The following PRKDC variants were observed in gnomAD, a reference collection of about 807,000 sequenced individuals.
The protein encoded by PRKDC is protein kinase, DNA-activated, catalytic subunit.
Under a neutral mutation model 486.9 loss-of-function variants are expected in PRKDC, and 82 were observed. The observed-to-expected ratio is 0.17, with a 90% CI of 0.14 to 0.20. PRKDC has a LOEUF of 0.20. Ranked by LOEUF, PRKDC falls within the 10% of genes least tolerant of loss-of-function variation. The pLI is 1.00. For synonymous variants in PRKDC, 1,895 were observed against 1,837.0 expected (o/e 1.03, Z -0.81); for missense variants, 4,504 against 5,038.2 (o/e 0.89, Z 3.21).
At chr8:47,936,304 A>G (rs887177952) in intron 12 of PRKDC, 49 bp downstream of exon 12, 2 of 1,534,928 alleles carry the variant, frequency 1.3e-6, no homozygotes, top group Non-Finnish European at 1.8e-6. Flanking sequence ...AATTATTTGA[A>G]GAAATGAAGA....
chr8:47,814,745 C>T (rs928708930), intron 68 of PRKDC, among the ~76,000 whole-genome samples: 1 of 152,098 alleles, frequency 6.6e-6, no homozygotes, highest in African/African-American at 2.4e-5. Flanking sequence ...TAGCAACTCC[C>T]CAAATTAAAC....
chr8:47,794,211 G>T, intron 74 of PRKDC, 79 bp downstream of exon 74: 1 of 1,094,250 alleles, frequency 9.1e-7, no homozygotes, highest in Non-Finnish European at 1.3e-6. Flanking sequence ...AACAAATGTA[G>T]TGTCCACGTG....
intron 45 of PRKDC, among the ~76,000 whole-genome samples, chr8:47,860,417 G>C (rs572335136): frequency 6.6e-6 from 1 of 152,366 alleles, no homozygotes; most frequent in South Asian, 2.1e-4. Context: ...GCCATATGCT[G>C]GAGTGAGCAG....
intron 85 of PRKDC, among the ~76,000 whole-genome samples, chr8:47,774,721 T>C (rs2086573608): frequency 1.3e-5 from 2 of 152,030 alleles, no homozygotes; most frequent in African/African-American, 4.8e-5. Flanking sequence ...ACCAGCAGAG[T>C]ATGAGGAGTC....
rs758574039 is a variant in PRKDC, at chr8:47,826,838, G to A, written c.8601C>T (p.Ala2867=). The part of the protein sequence containing the change: ...CIQDISCQHA[A]LLSLDPAAVS... ...CAGCCGCTGGGTCGAGGCTCAGCAG[G>A]GCTGCGTGCTGACAGCTAATGTCCT... The change falls in exon 63 of 86, where the codon GCC becomes GCT. Residue 2867 remains alanine, a synonymous_variant. Transcript: ENST00000314191. 5 of 1,591,546 alleles carry A rather than the reference G, an allele frequency of 3.1e-6. No homozygotes were observed. The highest frequency in any genetic ancestry group is 4.3e-6 in the Non-Finnish European group (5 of 1,166,832).
At chr8:47,780,273 T>C (rs1334646511) in intron 80 of PRKDC, among the ~76,000 whole-genome samples, 1 of 152,188 alleles carries the variant, frequency 6.6e-6, no homozygotes, top group South Asian at 2.1e-4. Flanking sequence ...CCATAGTAAG[T>C]ATGAGAAAAT....
chr8:47,778,400 TTGAAAGTCCTA>T (rs2086641823), intron 83 of PRKDC, 48 bp downstream of exon 83: 1 of 1,535,160 alleles, frequency 6.5e-7, no homozygotes, highest in African/African-American at 1.4e-5. Flanking sequence ...CTGGAGGTTG[TTGAAAGTCCTA>T]TGATGACTCT....
Position 47,774,110 on chromosome 8 carries a change from A to C in PRKDC, c.*63T>G. Reference sequence around the variant, plus strand: ...GAAAATCAGCTCATGGAATGCTGCCAACCAAAGTATAGTAGATTCTTTAAA... The same window carrying C: ...GAAAATCAGCTCATGGAATGCTGCCCACCAAAGTATAGTAGATTCTTTAAA... On this transcript the variant is annotated 3_prime_UTR_variant, in exon 86 of 86. Transcript: ENST00000314191. The C allele has an allele frequency of 6.8e-7, 1 of 1,463,636 alleles. No homozygotes were observed. Among genetic ancestry groups the C allele is most frequent in the Non-Finnish European group, 9.1e-7 (1 of 1,098,936 alleles). The allele number at this position is 1,463,636 out of a possible 1,614,324, so 90.7% of individuals were successfully genotyped here.
intron 11 of PRKDC, 44 bp downstream of exon 11, chr8:47,939,507 T>G (rs772534713): frequency 6.3e-7 from 1 of 1,580,090 alleles, no homozygotes; most frequent in Non-Finnish European, 8.7e-7. Flanking sequence ...CTTTAAACAA[T>G]CACGTGAAAC....
At chr8:47,893,935 A>G (rs973040909) in intron 30 of PRKDC, among the ~76,000 whole-genome samples, 2 of 152,242 alleles carry the variant, frequency 1.3e-5, no homozygotes, top group African/African-American at 4.8e-5. Flanking sequence ...AAAATGTCAA[A>G]TCATTCTGAC....
chr8:47,874,575 C>A (rs1393892839), intron 40 of PRKDC, among the ~76,000 whole-genome samples: 2 of 149,576 alleles, frequency 1.3e-5, no homozygotes, highest in Non-Finnish European at 3.0e-5. Flanking sequence ...CTGGGCAACA[C>A]GGCGAAACCC....
At chr8:47,926,381 A>G in intron 21 of PRKDC, among the ~76,000 whole-genome samples, 1 of 152,230 alleles carries the variant, frequency 6.6e-6, no homozygotes, top group Non-Finnish European at 1.5e-5. Context: ...ACTTTCACTT[A>G]ATGTTTCCAA....
chr8:47,857,089 T>C, intron 49 of PRKDC, 67 bp downstream of exon 49: 1 of 1,464,014 alleles, frequency 6.8e-7, no homozygotes, highest in Non-Finnish European at 9.1e-7. Flanking sequence ...CTGAATTATG[T>C]GTCATAGGCT....
At chr8:47,776,286 A>G (rs184171632) in intron 85 of PRKDC, among the ~76,000 whole-genome samples, 18 of 152,330 alleles carry the variant, frequency 1.2e-4, no homozygotes, top group African/African-American at 4.3e-4. Context: ...CTTGTCAAAA[A>G]TAAGTTGACA....
At chr8:47,952,141 G>A (rs2090634873) in intron 7 of PRKDC, among the ~76,000 whole-genome samples, 2 of 152,066 alleles carry the variant, frequency 1.3e-5, no homozygotes, top group Non-Finnish European at 2.9e-5. Flanking sequence ...TCAACAGCAG[G>A]GACTGCCAAC....
At chr8:47,842,263 T>C (rs906004941) in intron 54 of PRKDC, among the ~76,000 whole-genome samples, 5 of 152,038 alleles carry the variant, frequency 3.3e-5, no homozygotes, top group African/African-American at 1.2e-4. Flanking sequence ...TCATCTCCCT[T>C]CCCCTACCCC....
chr8:47,937,930 C>G (rs983482795), intron 11 of PRKDC, among the ~76,000 whole-genome samples: 3 of 151,984 alleles, frequency 2.0e-5, no homozygotes, highest in Non-Finnish European at 4.4e-5. Context: ...GTCTGTGTAA[C>G]GAAGTGAGAT....
In PRKDC at chr8:47,891,954, C is replaced by T. The variant is rs186337256; in HGVS notation, c.3847+1185G>A. On this transcript the variant is annotated intron_variant, in intron 31 of 85. Transcript: ENST00000314191. ...TGCGATCTCAGCTCACTGCAACCTC[C>T]GCCTCCGGGGTTCAAACAATTCTTG... Among the ~76,000 whole-genome samples, 393 of 152,078 alleles carry T rather than the reference C, an allele frequency of 2.6e-3. 3 individuals carry two copies. The highest frequency in any genetic ancestry group is 4.9e-3 in the Admixed American group (75 of 15,280).
chr8:47,870,798 T>C (rs931027726), intron 40 of PRKDC, among the ~76,000 whole-genome samples: 1 of 152,144 alleles, frequency 6.6e-6, no homozygotes, highest in African/African-American at 2.4e-5. Context: ...GAATTCAAAA[T>C]AGCTGTTTTG....
Sources: allele counts gnomAD v4.1 joint callset (sites outside exome capture counted in the v4.1 genomes callset), GRCh38; gene constraint gnomAD v4.1.1; transcripts MANE v1.5; gene names NCBI Gene and HGNC (gene_info 2026-07-23, HGNC 2026-07-21).